CFAP299: variants seen among roughly 807,000 people sequenced by gnomAD.
CFAP299 encodes the protein cilia- and flagella-associated protein 299.
A neutral mutation model predicts 27.0 loss-of-function variants in CFAP299; 21 were observed. The ratio of observed to expected loss-of-function variants is 0.78; its 90% CI spans 0.55 to 1.12. CFAP299 has a LOEUF of 1.12. CFAP299 is among the 50% of genes most tolerant of loss of function. CFAP299 has a pLI of 0.00. For missense variants in CFAP299, 310 were observed against 276.6 expected (o/e 1.12, Z -0.86); for synonymous variants, 104 against 98.1 (o/e 1.06, Z -0.36).
At chr4:80,655,477 A>G (rs1740507939) in intron 3 of CFAP299, among the ~76,000 whole-genome samples, 1 of 152,172 alleles carries the variant, frequency 6.6e-6, no homozygotes, top group Non-Finnish European at 1.5e-5. Context: ...CAGAATTGGT[A>G]TGGTAAGTGG....
At chr4:80,332,084 T>C (rs547955714), upstream of CFAP299, among the ~76,000 whole-genome samples, 5 of 151,816 alleles carry the variant, frequency 3.3e-5, no homozygotes, top group East Asian at 9.7e-4. Flanking sequence ...GAGAAGAGAG[T>C]GGTCACAGGG....
intron 3 of CFAP299, among the ~76,000 whole-genome samples, chr4:80,587,265 C>T (rs1046873212): frequency 5.9e-5 from 9 of 151,984 alleles, no homozygotes; most frequent in African/African-American, 9.7e-5. Context: ...ATTACATCAA[C>T]GTTTGGGGGA....
chr4:80,908,904 GCACA>G (rs150862436), intron 4 of CFAP299, among the ~76,000 whole-genome samples: 3 of 150,234 alleles, frequency 2.0e-5, no homozygotes, highest in East Asian at 2.0e-4. Flanking sequence ...ATACACGCAA[GCACA>G]CACACACACA....
At chr4:80,518,366 G>A (rs1283211662) in intron 2 of CFAP299, among the ~76,000 whole-genome samples, 1 of 152,058 alleles carries the variant, frequency 6.6e-6, no homozygotes, top group Non-Finnish European at 1.5e-5. Context: ...AAAAGATCTG[G>A]GGGCATCATT....
At chr4:80,914,644 A>G (rs1378242032) in intron 4 of CFAP299, among the ~76,000 whole-genome samples, 2 of 152,174 alleles carry the variant, frequency 1.3e-5, no homozygotes, top group Non-Finnish European at 2.9e-5. Context: ...GACAGTGAAC[A>G]TCTTTGCATG....
chr4:80,499,219 C>T (rs891609441), intron 2 of CFAP299, among the ~76,000 whole-genome samples: 17 of 152,030 alleles, frequency 1.1e-4, no homozygotes, highest in Non-Finnish European at 1.3e-4. Flanking sequence ...CACATCTGTG[C>T]ATTTTCCCTC....
chr4:80,539,282 C>G (rs1011724869), intron 2 of CFAP299, among the ~76,000 whole-genome samples: 2 of 152,102 alleles, frequency 1.3e-5, no homozygotes, highest in Non-Finnish European at 2.9e-5. Context: ...GAGACAACTG[C>G]CTTTTGAAAG....
In CFAP299 at chr4:80,871,319, G is replaced by A. The variant is rs1424983189; in HGVS notation, c.476+1184G>A. Reference sequence around the variant, plus strand: ...GCCCATGTCTTTTTGATTTTTGGTTGTATCTGACCTACTAACATTCCAAAG... The same window carrying A: ...GCCCATGTCTTTTTGATTTTTGGTTATATCTGACCTACTAACATTCCAAAG... On this transcript the variant is annotated intron_variant, in intron 4 of 5. Coordinates refer to ENST00000358105, the MANE Select transcript of CFAP299 (RefSeq NM_152770.3). 4.1e-6 allele frequency: 4 copies of A among 985,154 alleles called. No individual in the cohort carries two copies. In the African/African-American group the frequency reaches 7.0e-5, roughly 17 times the overall value. 61.0% of individuals were successfully genotyped at this position (985,154 alleles called of 1,614,324 possible).
intron 3 of CFAP299, among the ~76,000 whole-genome samples, chr4:80,754,695 G>C: frequency 6.6e-6 from 1 of 152,110 alleles, no homozygotes; most frequent in East Asian, 1.9e-4. Context: ...TGTGTCTGTG[G>C]TTTCCAAGTG....
At chr4:80,329,337 G>A in the CFAP299 span, among the ~76,000 whole-genome samples, 1 of 151,416 alleles carries the variant, frequency 6.6e-6, no homozygotes, top group African/African-American at 2.4e-5. Context: ...CCAACTACCA[G>A]TTCAGGTCCT....
chr4:80,597,254 T>G (rs1270581818), intron 3 of CFAP299, among the ~76,000 whole-genome samples: 2 of 152,192 alleles, frequency 1.3e-5, no homozygotes, highest in Admixed American at 6.5e-5. Context: ...TTTCTGATTT[T>G]TAATATTCTA....
chr4:80,940,131 T>C (rs1737118011), intron 4 of CFAP299, among the ~76,000 whole-genome samples: 1 of 151,982 alleles, frequency 6.6e-6, no homozygotes, highest in African/African-American at 2.4e-5. Flanking sequence ...CAGATGAGGT[T>C]TTCCATAGAG....
chr4:80,827,766 T>C (rs116795756), intron 3 of CFAP299, among the ~76,000 whole-genome samples: 13 of 152,074 alleles, frequency 8.5e-5, no homozygotes, highest in Non-Finnish European at 1.5e-4. Context: ...AAATTATCTC[T>C]GCTTATAGGT....
At chr4:80,938,406 C>G (rs1737027417) in intron 4 of CFAP299, among the ~76,000 whole-genome samples, 1 of 152,238 alleles carries the variant, frequency 6.6e-6, no homozygotes, top group Non-Finnish European at 1.5e-5. Context: ...CATGAGCCAT[C>G]TGTGCCTTAA....
intron 3 of CFAP299, among the ~76,000 whole-genome samples, chr4:80,600,813 A>G (rs1267996845): frequency 6.6e-6 from 1 of 152,174 alleles, no homozygotes; most frequent in Admixed American, 6.6e-5. Flanking sequence ...ATAGTAGGCT[A>G]TAAGTTAAAT....
chr4:80,417,808 A>G (rs757445280), intron 2 of CFAP299, among the ~76,000 whole-genome samples: 4 of 151,800 alleles, frequency 2.6e-5, no homozygotes, highest in Non-Finnish European at 5.9e-5. Context: ...GTATATGTAC[A>G]TGTGTATATA....
At chr4:80,891,603 T>A (rs1260342487) in intron 4 of CFAP299, among the ~76,000 whole-genome samples, 4 of 63,224 alleles carry the variant, frequency 6.3e-5, no homozygotes, top group Admixed American at 2.3e-4. Flanking sequence ...TATCACACTC[T>A]GGGGACTGTG....
intron 3 of CFAP299, among the ~76,000 whole-genome samples, chr4:80,627,915 C>G (rs1453239536): frequency 1.3e-5 from 2 of 152,048 alleles, no homozygotes; most frequent in Admixed American, 6.6e-5. Context: ...CTACCCAAAG[C>G]AAGCTACAGA....
At chr4:80,422,048 G>T (rs1727307898) in intron 2 of CFAP299, among the ~76,000 whole-genome samples, 1 of 152,112 alleles carries the variant, frequency 6.6e-6, no homozygotes, top group Admixed American at 6.6e-5. Context: ...ACGTGAATAT[G>T]AAGTCAGCAG....
Sources: allele counts gnomAD v4.1 joint callset (sites outside exome capture counted in the v4.1 genomes callset), GRCh38; gene constraint gnomAD v4.1.1; transcripts MANE v1.5; gene names NCBI Gene and HGNC (gene_info 2026-07-23, HGNC 2026-07-21).